The following CNTN4 variants were observed in gnomAD, a reference collection of about 807,000 sequenced individuals.
CNTN4 encodes contactin 4.
CNTN4 carries 77 observed loss-of-function variants against 122.5 expected under a neutral mutation model. That is an observed-to-expected ratio of 0.63 (90% CI 0.52 to 0.76). The LOEUF is 0.76. Among genes scored for constraint, CNTN4 ranks in the 30% least tolerant of loss-of-function variants. CNTN4 has a pLI of 0.00. For synonymous variants in CNTN4, 512 were observed against 447.0 expected (o/e 1.15, Z -1.83); for missense variants, 1,256 against 1,259.1 (o/e 1.00, Z 0.04).
At chr3:2,711,837 A>C (rs992290332) in intron 4 of CNTN4, among the ~76,000 whole-genome samples, 2 of 152,210 alleles carry the variant, frequency 1.3e-5, no homozygotes, top group Non-Finnish European at 2.9e-5. Flanking sequence ...AAAGACCACC[A>C]AGGGTAACTT....
chr3:2,549,147 C>T (rs1209261984), intron 3 of CNTN4, among the ~76,000 whole-genome samples: 1 of 152,144 alleles, frequency 6.6e-6, no homozygotes, highest in Non-Finnish European at 1.5e-5. Flanking sequence ...CATCTGCAAA[C>T]AGAGACAATT....
At chr3:2,642,963 G>T (rs151011272) in intron 4 of CNTN4, among the ~76,000 whole-genome samples, 49 of 152,286 alleles carry the variant, frequency 3.2e-4, no homozygotes, top group African/African-American at 1.1e-3. Flanking sequence ...TTACAGGGCA[G>T]TGGGGATGGT....
At chr3:3,043,280 A>C (rs1009665771) in intron 22 of CNTN4, 117 bp downstream of exon 22, 26 of 1,015,472 alleles carry the variant, frequency 2.6e-5, no homozygotes, top group Middle Eastern at 2.0e-4. Flanking sequence ...TGTGGATTCA[A>C]ATTTCCCTCA....
At chr3:2,576,394 A>G (rs1237797992) in intron 4 of CNTN4, among the ~76,000 whole-genome samples, 2 of 152,206 alleles carry the variant, frequency 1.3e-5, no homozygotes, top group Non-Finnish European at 2.9e-5. Flanking sequence ...AACTCTATGG[A>G]CTAGCAATAC....
chr3:2,920,687 G>C (rs1279834013), intron 12 of CNTN4, among the ~76,000 whole-genome samples: 1 of 152,186 alleles, frequency 6.6e-6, no homozygotes, highest in Non-Finnish European at 1.5e-5. Context: ...AATAGCAGTG[G>C]AGAGGGGACG....
At chr3:2,698,622 T>C (rs2086180473) in intron 4 of CNTN4, among the ~76,000 whole-genome samples, 1 of 152,214 alleles carries the variant, frequency 6.6e-6, no homozygotes, top group Non-Finnish European at 1.5e-5. Flanking sequence ...AGAAAGTGTG[T>C]GTCAAATAAA....
intron 2 of CNTN4, among the ~76,000 whole-genome samples, chr3:2,338,009 T>C (rs2044025087): frequency 6.6e-6 from 1 of 152,114 alleles, no homozygotes; most frequent in Admixed American, 6.6e-5. Flanking sequence ...ACTGACCATA[T>C]TAAAACCAAA....
chr3:2,761,561 C>A (rs2090593865), intron 6 of CNTN4, among the ~76,000 whole-genome samples: 1 of 151,650 alleles, frequency 6.6e-6, no homozygotes, highest in East Asian at 1.9e-4. Flanking sequence ...TGTGAGTATT[C>A]TAGTATTTAT....
At chr3:2,290,753 A>G (rs1477554828) in intron 2 of CNTN4, among the ~76,000 whole-genome samples, 3 of 152,208 alleles carry the variant, frequency 2.0e-5, no homozygotes, top group Non-Finnish European at 4.4e-5. Flanking sequence ...CATTGAGTAT[A>G]TACTGCTGGG....
In CNTN4 at chr3:2,495,777, A is replaced by C. The variant is rs374369155; in HGVS notation, c.-88-75639A>C. Among the ~76,000 whole-genome samples, 5 of 152,328 alleles carry C rather than the reference A, an allele frequency of 3.3e-5. No homozygotes were observed. The East Asian group carries it at 5.8e-4, about 18-fold the overall frequency. ...ATACTCCCCTTGCCTGGTCCGTGGA[A>C]AAATTGTCTTCCATGAAACCAGTCC... On this transcript the variant is annotated intron_variant, in intron 3 of 24. Coordinates refer to ENST00000418658, the MANE Select transcript of CNTN4 (RefSeq NM_175607.3).
chr3:2,207,058 T>C (rs2038388745), intron 2 of CNTN4, among the ~76,000 whole-genome samples: 1 of 152,050 alleles, frequency 6.6e-6, no homozygotes, highest in African/African-American at 2.4e-5. Context: ...TTATGATCAG[T>C]GAGCTTTCAT....
chr3:2,359,730 A>G (rs898560666), intron 3 of CNTN4, among the ~76,000 whole-genome samples: 2 of 152,014 alleles, frequency 1.3e-5, no homozygotes, highest in African/African-American at 4.8e-5. Flanking sequence ...TAGTAGAGAC[A>G]GGGTTTCATC....
At chr3:2,988,603 G>A in intron 14 of CNTN4, 131 bp downstream of exon 14, 1 of 918,916 alleles carries the variant, frequency 1.1e-6, no homozygotes, top group Non-Finnish European at 1.8e-6. Context: ...ATTCATCACG[G>A]CAAACATGAT....
chr3:2,127,569 T>C (rs906329263), intron 2 of CNTN4, among the ~76,000 whole-genome samples: 3 of 151,950 alleles, frequency 2.0e-5, no homozygotes, highest in Non-Finnish European at 2.9e-5. Context: ...TTCTAAAATA[T>C]AAAAAAAATT....
rs145594916 is a variant in CNTN4, at chr3:2,310,758, C to T, written c.-144-28420C>T. Among the ~76,000 whole-genome samples, 415 of 152,248 alleles carry T rather than the reference C, an allele frequency of 2.7e-3. 3 individuals carry two copies. The highest frequency in any genetic ancestry group is 8.8e-3 in the African/African-American group (367 of 41,560). ...GTGTATATGAAAGGCTTTTAACCCT[C>T]CACTACCTAAAACTCACTCGTTCTG... On this transcript the variant is annotated intron_variant, in intron 2 of 24. Coordinates refer to ENST00000418658, the MANE Select transcript of CNTN4 (RefSeq NM_175607.3).
intron 6 of CNTN4, among the ~76,000 whole-genome samples, chr3:2,802,963 G>T (rs193240557): frequency 6.6e-6 from 1 of 152,262 alleles, no homozygotes; most frequent in African/African-American, 2.4e-5. Context: ...AAAGACTGAT[G>T]CATTCATAGG....
At position 2,312,037 on chromosome 3, in the gene CNTN4, G is replaced by A. The variant is rs561373569; in HGVS notation, c.-144-27141G>A. On this transcript the variant is annotated intron_variant, in intron 2 of 24. Transcript: ENST00000418658. ...AAAAGTGAGAGTTTTTTTTTGATAC[G>A]ATAAAACTTTTTTTTAAGATAAAAA... Among the ~76,000 whole-genome samples, 9 of 151,910 alleles carry A rather than the reference G, an allele frequency of 5.9e-5. No homozygotes were observed. The South Asian group carries it at 1.0e-3, about 18-fold the overall frequency.
chr3:2,476,297 A>T lies in CNTN4; in HGVS notation c.-88-95119A>T, dbSNP rs999118801. Among the ~76,000 whole-genome samples the T allele has an allele frequency of 7.2e-5, 11 of 152,284 alleles. 1 individual carries two copies. Among genetic ancestry groups the T allele is most frequent in the African/African-American group, 2.6e-4 (11 of 41,566 alleles). ...CATGGAAGTGGAGTGAGCCAATGTC[A>T]GTTAAGATTTTGGCGTTTCCACTGC... is the stretch of plus-strand genomic sequence containing the variant. On this transcript the variant is annotated intron_variant, in intron 3 of 24. Coordinates refer to ENST00000418658, the MANE Select transcript of CNTN4 (RefSeq NM_175607.3).
intron 3 of CNTN4, among the ~76,000 whole-genome samples, chr3:2,387,061 A>G (rs35871182): frequency 0.17 from 25,284 of 152,122 alleles, 2,580 homozygotes; most frequent in Middle Eastern, 0.26. Context: ...GTGACTTCCA[A>G]TATCAGTTAT....
Sources: gnomAD v4.1 joint callset for allele counts (sites outside exome capture counted in the v4.1 genomes callset) on GRCh38, gnomAD v4.1.1 for gene constraint, MANE v1.5 for transcripts, NCBI Gene and HGNC (gene_info 2026-07-23, HGNC 2026-07-21) for gene names.